Variants in SMTN observed in about 807,000 individuals in gnomAD.
SMTN encodes smoothelin.
Under a neutral mutation model 102.0 loss-of-function variants are expected in SMTN, and 58 were observed. The observed-to-expected ratio is 0.57, with a 90% CI of 0.46 to 0.71. SMTN has a LOEUF of 0.71. Among genes scored for constraint, SMTN ranks in the 30% least tolerant of loss-of-function variants. The pLI, the probability that SMTN is intolerant of heterozygous loss-of-function variation, is 0.00. For missense variants in SMTN, 1,185 were observed against 1,241.7 expected (o/e 0.95, Z 0.69); for synonymous variants, 478 against 497.9 (o/e 0.96, Z 0.53).
rs759782458 is a variant in SMTN at position 31,093,920 on chromosome 22, C to G, written c.1633-1383C>G. 19 of 1,302,864 alleles carry G rather than the reference C, an allele frequency of 1.5e-5. No homozygotes were observed. In the Admixed American group the frequency reaches 4.3e-4, roughly 30 times the overall value. The allele number at this position is 1,302,864 out of a possible 1,614,324, so 80.7% of individuals were successfully genotyped here. A position where few individuals can be genotyped will look rare whatever the true frequency, so the allele number is the denominator to read the frequency against. On this transcript the variant is annotated intron_variant, in intron 11 of 20. Transcript: ENST00000333137. ...GTGGGAGGGGTAGTTTTGAGCCAGG[C>G]TCTGCCTCCTCTTGACTTTAGGTAT... is the stretch of plus-strand genomic sequence containing the variant.
Position 31,087,979 on chromosome 22 carries a change from A to G in SMTN, c.66A>G (p.Ala22=), listed in dbSNP as rs1375774441. ...GALRKLLEVT[A]DLAERRRIRS... ...ACCCACTGCAGCTGGAGGTCACAGC[A>G]GATCTGGCAGAGCGGCGGCGCATCC... The change falls in exon 3 of 21, where the codon GCA becomes GCG. Residue 22 remains alanine, a synonymous_variant. Transcript: ENST00000333137. 1.9e-6 allele frequency: 3 copies of G among 1,602,544 alleles called. No individual in the cohort carries two copies. The highest frequency in any genetic ancestry group is 2.6e-6 in the Non-Finnish European group (3 of 1,171,852).
rs1393837517 is a variant in SMTN at position 31,100,989 on chromosome 22, G to A, written c.2708G>A (p.Cys903Tyr). Residue 903 changes from cysteine (C) to tyrosine (Y), a missense_variant, in exon 20 of 21, where the codon TGT becomes TAT. Coordinates refer to ENST00000333137, the MANE Select transcript of SMTN (RefSeq NM_134269.3). The part of the protein sequence containing the change: ...VYTYIQEFYR[C>Y]LVQKGLVKTK... ...ACGTACATCCAGGAATTCTACCGCT[G>A]TCTGGTCCAGAAGGGGCTGGTAAAA... is the stretch of plus-strand genomic sequence containing the variant. The A allele has an allele frequency of 1.2e-6, 2 of 1,613,400 alleles. No individual in the cohort carries two copies. Among genetic ancestry groups the A allele is most frequent in the Non-Finnish European group, 1.7e-6 (2 of 1,179,882 alleles).
At chr22:31,093,907 G>A (rs1008306714) in intron 11 of SMTN, 50 of 1,435,328 alleles carry the variant, frequency 3.5e-5, no homozygotes, top group Non-Finnish European at 4.6e-5. Context: ...GGGAGGGGTA[G>A]TTTTGAGCCA....
At chr22:31,086,050 C>T (rs2042676189) in intron 2 of SMTN, among the ~76,000 whole-genome samples, 1 of 152,240 alleles carries the variant, frequency 6.6e-6, no homozygotes, top group Non-Finnish European at 1.5e-5. Flanking sequence ...CCCTCTGTCC[C>T]CTCCAGCCCC....
chr22:31,098,451 G>C (rs1484966239), intron 16 of SMTN, among the ~76,000 whole-genome samples: 2 of 152,110 alleles, frequency 1.3e-5, no homozygotes, highest in Admixed American at 1.3e-4. Flanking sequence ...GGTGGGGGAG[G>C]GGGAGGCGGA....
rs745846688 is a variant in SMTN, at chr22:31,096,749, G to A, written c.1878G>A (p.Glu626=). ...RQRKRDQRDK[E]RERRLQEARG... ...CCTGCCCAGACCAGCGGGACAAGGAGCGGGAACGGCGGCTGCAGGAGGCAC... is the reference window on the plus strand; with the variant it reads ...CCTGCCCAGACCAGCGGGACAAGGAACGGGAACGGCGGCTGCAGGAGGCAC... Residue 626 remains glutamate (E), a synonymous_variant, in exon 14 of 21, where the codon GAG becomes GAA. Coordinates refer to ENST00000333137, the MANE Select transcript of SMTN (RefSeq NM_134269.3). 2 of 1,551,674 alleles carry A rather than the reference G, an allele frequency of 1.3e-6. No homozygotes were observed. Among genetic ancestry groups the A allele is most frequent in the Non-Finnish European group, 1.7e-6 (2 of 1,153,714 alleles).
Position 31,099,770 on chromosome 22 carries a change from C to G in SMTN, c.2477C>G (p.Ser826Cys). ...CACGTCGACATCCAGAACTTCTCCT[C>G]CAGCTGGAGTGATGGGATGGCCTTC... ...YEHVDIQNFSSSWSDGMAFCA... is the reference protein window; with the variant it reads ...YEHVDIQNFSCSWSDGMAFCA... Residue 826 changes from serine to cysteine, a missense_variant, in exon 19 of 21, where the codon TCC becomes TGC. Ser to Cys is a moderately radical substitution (Grantham distance 112). This residue lies in a region of SMTN where 89 missense variants were observed against 128.9 expected (regional missense o/e 0.69). Coordinates refer to ENST00000333137, the MANE Select transcript of SMTN (RefSeq NM_134269.3). 6.2e-7 allele frequency: 1 copy of G among 1,614,080 alleles called. No homozygotes were observed. Among genetic ancestry groups the G allele is most frequent in the Non-Finnish European group, 8.5e-7 (1 of 1,179,950 alleles).
chr22:31,095,723 T>A lies in SMTN; in HGVS notation c.1861+114T>A. 1.1e-6 allele frequency: 1 copy of A among 879,682 alleles called. No individual in the cohort carries two copies. Among genetic ancestry groups the A allele is most frequent in the East Asian group, 2.6e-5 (1 of 37,876 alleles). The allele number at this position is 879,682 out of a possible 1,614,324, so 54.5% of individuals were successfully genotyped here. The stretch of plus-strand genomic sequence containing the variant: ...AGCTTAATAACTGCCCTACCCAGCT[T>A]CTCCTTCTCTAGACCCAGCAGTTCC... On this transcript the variant is annotated intron_variant, in intron 13 of 20. Transcript: ENST00000333137. The surrounding 1 kb of genome is among the most constrained non-coding windows in gnomAD (Gnocchi z 4.1).
Position 31,104,596 on chromosome 22 carries a change from C to T in SMTN, c.*301C>T. 2 of 903,084 alleles carry T rather than the reference C, an allele frequency of 2.2e-6. No individual in the cohort carries two copies. The highest frequency in any genetic ancestry group is 1.5e-5 in the South Asian group (1 of 65,720). The allele number at this position is 903,084 out of a possible 1,614,324, so 55.9% of individuals were successfully genotyped here. On this transcript the variant is annotated 3_prime_UTR_variant, in exon 21 of 21. Coordinates refer to ENST00000333137, the MANE Select transcript of SMTN (RefSeq NM_134269.3). ...CCCTCCCCCCCACATACACACGCAGCGTTTTGATAAATTATTGGTTTTCAA... is the reference window on the plus strand; with the variant it reads ...CCCTCCCCCCCACATACACACGCAGTGTTTTGATAAATTATTGGTTTTCAA...
intron 1 of SMTN, among the ~76,000 whole-genome samples, chr22:31,071,444 C>A (rs528165927): frequency 1.3e-5 from 2 of 151,750 alleles, no homozygotes; most frequent in African/African-American, 4.8e-5. Context: ...ACCAGCTGGG[C>A]AACAAAGTGA....
intron 1 of SMTN, among the ~76,000 whole-genome samples, chr22:31,070,937 A>AAAAAAAG (rs2041983761): frequency 6.6e-6 from 1 of 151,398 alleles, no homozygotes; most frequent in Admixed American, 6.6e-5. Flanking sequence ...AAAAAAAAAA[A>AAAAAAAG]AAAAGAAAAG....
Position 31,093,748 on chromosome 22 carries a change from C to T in SMTN, c.1633-1555C>T, listed in dbSNP as rs115896917. The T allele has an allele frequency of 1.8e-3, 2,804 of 1,518,952 alleles. 49 individuals are homozygous for T. In the African/African-American group the frequency reaches 0.035, roughly 19 times the overall value. The allele number at this position is 1,518,952 out of a possible 1,614,324, so 94.1% of individuals were successfully genotyped here. A position where few individuals can be genotyped will look rare whatever the true frequency, so the allele number is the denominator to read the frequency against. On this transcript the variant is annotated intron_variant, in intron 11 of 20. Transcript: ENST00000333137. ...GCCTGAGCTGGAGCCCAGCGAGCTG[C>T]TCCTGGCTGCCGCCGACCCCGAGGC...
At chr22:31,065,120 G>C (rs1472333610) in intron 1 of SMTN, 2 of 152,002 alleles carry the variant, frequency 1.3e-5, no homozygotes, top group African/African-American at 4.8e-5. Context: ...CTTTTGGCAA[G>C]AATATCACAG....
At chr22:31,075,613 A>G (rs1011348197) in intron 1 of SMTN, among the ~76,000 whole-genome samples, 7 of 151,346 alleles carry the variant, frequency 4.6e-5, no homozygotes, top group African/African-American at 1.7e-4. Context: ...GCCGGGAGGC[A>G]GGGGTTGCAG....
chr22:31,076,244 A>G (rs2042125875), intron 1 of SMTN, among the ~76,000 whole-genome samples: 1 of 152,188 alleles, frequency 6.6e-6, no homozygotes, highest in South Asian at 2.1e-4. Flanking sequence ...GCCCTTCTGC[A>G]GCCTCAGCAC....
chr22:31,098,627 C>G (rs2043802534), intron 16 of SMTN, 40 bp from the exon 17 acceptor site: 2 of 1,601,592 alleles, frequency 1.2e-6, no homozygotes, highest in South Asian at 2.2e-5. Context: ...GGGGAGCAGC[C>G]CTGCTCTCCC....
At chr22:31,074,245 G>A (rs2042076070) in intron 1 of SMTN, among the ~76,000 whole-genome samples, 1 of 152,080 alleles carries the variant, frequency 6.6e-6, no homozygotes, top group African/African-American at 2.4e-5. Flanking sequence ...CAGGTGTGGT[G>A]GTGAGTGCCT....
chr22:31,095,373 T>C lies in SMTN; in HGVS notation c.1703T>C (p.Val568Ala). ...EAANGAEQTR[V>A]NKAPEGRSPL... ...GCCAATGGGGCTGAGCAGACCCGAG[T>C]GAACAAAGCACCAGAAGGGCGGAGC... The change falls in exon 12 of 21, where the codon GTG becomes GCG. Residue 568 changes from valine to alanine, a missense_variant. Transcript: ENST00000333137. The surrounding 1 kb of genome is among the most constrained non-coding windows in gnomAD (Gnocchi z 4.1). 1 of 1,613,976 alleles carries C rather than the reference T, an allele frequency of 6.2e-7. No individual in the cohort carries two copies. Among genetic ancestry groups the C allele is most frequent in the Middle Eastern group, 1.7e-4 (1 of 6,050 alleles).
In SMTN at chr22:31,091,695, G is replaced by A. The variant is rs147465019; in HGVS notation, c.1480G>A (p.Ala494Thr). ...QRAELTLGLR[A>T]PPTLLSTSSG... ...CTCAGAACTGACACTGGGGCTGCGGGCGCCCCCGACCCTACTCAGCACCAG... is the reference window on the plus strand; with the variant it reads ...CTCAGAACTGACACTGGGGCTGCGGACGCCCCCGACCCTACTCAGCACCAG... Residue 494 changes from alanine to threonine, a missense_variant, in exon 11 of 21, where the codon GCG becomes ACG. This residue lies in a region of SMTN where 1,096 missense variants were observed against 1,112.7 expected (regional missense o/e 0.98). Coordinates refer to ENST00000333137, the MANE Select transcript of SMTN (RefSeq NM_134269.3). The A allele has an allele frequency of 5.8e-5, 92 of 1,599,110 alleles. No individual in the cohort carries two copies. In the Middle Eastern group the frequency reaches 6.6e-4, roughly 12 times the overall value.
Sources: allele counts gnomAD v4.1 joint callset (sites outside exome capture counted in the v4.1 genomes callset), GRCh38; gene constraint gnomAD v4.1.1; regional missense constraint gnomAD v4.1.1; non-coding constraint Gnocchi (gnomAD v3.1); transcripts MANE v1.5; gene names NCBI Gene and HGNC (gene_info 2026-07-23, HGNC 2026-07-21).